The following SEPTIN6 variants were observed in gnomAD, a reference collection of about 807,000 sequenced individuals.
SEPTIN6 encodes the protein septin 6.
Under a neutral mutation model 33.6 loss-of-function variants are expected in SEPTIN6, and 8 were observed. The observed-to-expected ratio is 0.24, with a 90% confidence interval of 0.14 to 0.43. The LOEUF (loss-of-function observed/expected upper bound fraction) is 0.43. Ranked by LOEUF, SEPTIN6 falls within the 20% of genes least tolerant of loss-of-function variation. The pLI, the probability that SEPTIN6 is intolerant of heterozygous loss-of-function variation, is 1.00. For missense variants in SEPTIN6, 250 were observed against 340.8 expected, an observed-to-expected ratio of 0.73 and a Z score of 2.10; for synonymous variants, 131 against 140.0, an observed-to-expected ratio of 0.94 and a Z score of 0.45.
At chrX:119,640,622 G>T in intron 6 of SEPTIN6, 70 bp downstream of exon 6, 1 of 872,117 alleles carries the variant, frequency 1.1e-6, no homozygotes, top group Non-Finnish European at 1.7e-6. Context: ...GTCATATAGT[G>T]GCTGGGGACA....
chrX:119,642,929 T>C (rs753318290), intron 5 of SEPTIN6, among the ~76,000 whole-genome samples: 5 of 110,620 alleles, frequency 4.5e-5, no homozygotes, highest in Non-Finnish European at 5.7e-5. Context: ...AATCTGGACA[T>C]GGGAAAGAGG....
At chrX:119,655,951 T>C (rs2054435663) in intron 3 of SEPTIN6, among the ~76,000 whole-genome samples, 1 of 112,223 alleles carries the variant, frequency 8.9e-6, no homozygotes, top group Admixed American at 9.5e-5. Flanking sequence ...CATTTCCCAT[T>C]CCAGTTGTTG....
chrX:119,640,168 CTTTTTTT>C (rs57021804), intron 6 of SEPTIN6, among the ~76,000 whole-genome samples: 3 of 20,180 alleles, frequency 1.5e-4, no homozygotes, highest in Non-Finnish European at 1.7e-4. Flanking sequence ...ACTATCCAGT[CTTTTTTT>C]TTTTTTTTTT....
chrX:119,676,962 C>T (rs1361830113), intron 1 of SEPTIN6, among the ~76,000 whole-genome samples: 3 of 112,031 alleles, frequency 2.7e-5, no homozygotes, highest in Non-Finnish European at 5.6e-5. Flanking sequence ...TCCATAAAAT[C>T]GGAAACTATT....
At chrX:119,631,831 C>T (rs181532268) in intron 8 of SEPTIN6, among the ~76,000 whole-genome samples, 4 of 107,520 alleles carry the variant, frequency 3.7e-5, no homozygotes, top group Non-Finnish European at 7.7e-5. Context: ...GGGACAATCT[C>T]GGCTCACTGC....
In SEPTIN6 at chrX:119,637,188, G is replaced by T; in HGVS notation, c.795C>A (p.Asn265Lys). The change falls in exon 7 of 11, where the codon AAC becomes AAA. Residue 265 changes from asparagine (N) to lysine (K), a missense_variant. Asn to Lys is a moderately conservative substitution (Grantham distance 94). This residue lies in a region of SEPTIN6 where 139 missense variants were observed against 227.0 expected (regional missense o/e 0.61). Coordinates refer to ENST00000394610, the MANE Select transcript of SEPTIN6 (RefSeq NM_145799.4). ...GCTTCACAAAGTCGCAGTGGGCCTC[G>T]TTTTCAACTGCATAGCAGGATTTGG... is the stretch of plus-strand genomic sequence containing the variant. ...QYPWGTVQVENEAHCDFVKLR... is the reference protein window; with the variant it reads ...QYPWGTVQVEKEAHCDFVKLR... The T allele has an allele frequency of 8.3e-7, 1 of 1,210,156 alleles. No homozygotes were observed.
chrX:119,680,730 C>G (rs1398877960), intron 1 of SEPTIN6, among the ~76,000 whole-genome samples: 2 of 109,678 alleles, frequency 1.8e-5, no homozygotes, highest in African/African-American at 6.6e-5. Context: ...CGCCTGTAAT[C>G]CCAGCACTTT....
chrX:119,687,375 A>C (rs1305449625), intron 1 of SEPTIN6, among the ~76,000 whole-genome samples: 1 of 108,582 alleles, frequency 9.2e-6, no homozygotes, highest in Non-Finnish European at 1.9e-5. Flanking sequence ...TTCAGCCTCC[A>C]GAGTAGCTGG....
intron 8 of SEPTIN6, among the ~76,000 whole-genome samples, chrX:119,632,924 G>C (rs764113903): frequency 8.9e-6 from 1 of 112,702 alleles, no homozygotes; most frequent in Admixed American, 9.4e-5. Context: ...CACAGTGTCC[G>C]GCCCAATGTT....
At chrX:119,688,929 G>T (rs1011931754) in intron 1 of SEPTIN6, among the ~76,000 whole-genome samples, 2 of 110,995 alleles carry the variant, frequency 1.8e-5, no homozygotes, top group African/African-American at 3.3e-5. Flanking sequence ...TTTAGTGGGT[G>T]GTGGTAGGAA....
intron 8 of SEPTIN6, among the ~76,000 whole-genome samples, chrX:119,630,047 G>A (rs989099044): frequency 7.2e-5 from 8 of 111,888 alleles, no homozygotes; most frequent in Non-Finnish European, 1.3e-4. Context: ...CTGAACCCAG[G>A]AGGCGGAGGT....
intron 6 of SEPTIN6, among the ~76,000 whole-genome samples, chrX:119,640,168 C>CTTTTTTTTTTTTT (rs57021804): frequency 6.9e-4 from 14 of 20,173 alleles, no homozygotes; most frequent in East Asian, 1.4e-3. Flanking sequence ...ACTATCCAGT[C>CTTTTTTTTTTTTT]TTTTTTTTTT....
In SEPTIN6 at chrX:119,619,037, C is replaced by T. The variant is rs1264573298; in HGVS notation, c.*1056G>A. 10 of 951,980 alleles carry T rather than the reference C, an allele frequency of 1.1e-5. No homozygotes were observed. In the African/African-American group the frequency reaches 1.6e-4, roughly 15 times the overall value. 78.5% of individuals were successfully genotyped at this position (951,980 alleles called of 1,213,427 possible). On this transcript the variant is annotated 3_prime_UTR_variant, in exon 11 of 11. Coordinates refer to ENST00000394610, the MANE Select transcript of SEPTIN6 (RefSeq NM_145799.4). ...AAGAAAGTTAAGGGCCTTTTCTTCTCTCCGGCCGAGTCTCATCTCTTCTTA... is the reference window on the plus strand; with the variant it reads ...AAGAAAGTTAAGGGCCTTTTCTTCTTTCCGGCCGAGTCTCATCTCTTCTTA...
intron 1 of SEPTIN6, among the ~76,000 whole-genome samples, chrX:119,679,188 C>T (rs1449979362): frequency 9.0e-6 from 1 of 111,285 alleles, no homozygotes; most frequent in East Asian, 2.8e-4. Context: ...GTGATCCACC[C>T]ACCTTGGCCT....
At chrX:119,657,996 G>C (rs1044327303) in intron 3 of SEPTIN6, among the ~76,000 whole-genome samples, 3 of 110,999 alleles carry the variant, frequency 2.7e-5, no homozygotes, top group Non-Finnish European at 5.7e-5. Flanking sequence ...GCGTGGTGGT[G>C]GGCGCCTGTA....
At chrX:119,634,781 G>A (rs765282442) in intron 7 of SEPTIN6, among the ~76,000 whole-genome samples, 34 of 110,404 alleles carry the variant, frequency 3.1e-4, no homozygotes, top group African/African-American at 1.1e-3. Context: ...GGCCAAGGTG[G>A]GTAGATCACT....
chrX:119,624,792 C>T (rs1222348398), intron 10 of SEPTIN6, among the ~76,000 whole-genome samples: 1 of 111,495 alleles, frequency 9.0e-6, no homozygotes, highest in Non-Finnish European at 1.9e-5. Context: ...TCACTGCAAC[C>T]TCCGCCTCCC....
At chrX:119,637,227 T>C (rs900490832) in intron 6 of SEPTIN6, 32 bp from the exon 7 acceptor site, 1 of 1,179,894 alleles carries the variant, frequency 8.5e-7, no homozygotes, top group Admixed American at 2.2e-5. Flanking sequence ...ATTGAAAGTA[T>C]GTTGAAAGGA....
chrX:119,653,173 C>T (rs2054378588), intron 3 of SEPTIN6, 133 bp from the exon 4 acceptor site: 1 of 521,970 alleles, frequency 1.9e-6, no homozygotes, highest in East Asian at 3.7e-5. Flanking sequence ...CATCTCCCTT[C>T]AGTGGGCCTC....
Sources: gnomAD v4.1 joint callset for allele counts (sites outside exome capture counted in the v4.1 genomes callset) on GRCh38, gnomAD v4.1.1 for gene constraint, gnomAD v4.1.1 regional missense constraint, MANE v1.5 for transcripts, NCBI Gene and HGNC (gene_info 2026-07-23, HGNC 2026-07-21) for gene names.